Variants in COL8A1 observed in about 807,000 individuals in gnomAD.
The protein encoded by COL8A1 is collagen alpha-1(VIII) chain.
A neutral mutation model predicts 42.7 loss-of-function variants in COL8A1; 21 were observed. The observed-to-expected ratio is 0.49, with a 90% CI of 0.35 to 0.71. COL8A1 has a LOEUF of 0.71. Ranked by LOEUF, COL8A1 falls within the 30% of genes least tolerant of loss-of-function variation. The pLI, the probability that COL8A1 is intolerant of heterozygous loss-of-function variation, is 0.01. For synonymous variants in COL8A1, 367 were observed against 369.1 expected, an observed-to-expected ratio of 0.99 and a Z score of 0.06; for missense variants, 788 against 962.4, an observed-to-expected ratio of 0.82 and a Z score of 2.40.
intron 1 of COL8A1, among the ~76,000 whole-genome samples, chr3:99,714,597 A>C (rs1275658711): frequency 6.6e-6 from 1 of 152,112 alleles, no homozygotes; most frequent in Non-Finnish European, 1.5e-5. Context: ...ATGTTCATTG[A>C]CAATAGTCCC....
intron 2 of COL8A1, among the ~76,000 whole-genome samples, chr3:99,757,310 T>C (rs1211540321): frequency 1.3e-5 from 2 of 152,164 alleles, no homozygotes; most frequent in East Asian, 3.8e-4. Context: ...GCAACTCTTG[T>C]CTAATACACT....
At chr3:99,766,259 G>C (rs982024541) in intron 2 of COL8A1, among the ~76,000 whole-genome samples, 1 of 152,102 alleles carries the variant, frequency 6.6e-6, no homozygotes, top group Non-Finnish European at 1.5e-5. Context: ...ATTCCCTAAG[G>C]TTACACAGCT....
intron 1 of COL8A1, among the ~76,000 whole-genome samples, chr3:99,697,065 CA>C (rs1460799848): frequency 2.9e-5 from 4 of 137,702 alleles, no homozygotes; most frequent in African/African-American, 1.1e-4. Flanking sequence ...CGGCTCACTG[CA>C]AGCTCCGCCT....
chr3:99,757,680 G>A (rs765981939), intron 2 of COL8A1, among the ~76,000 whole-genome samples: 8 of 151,978 alleles, frequency 5.3e-5, no homozygotes, highest in Non-Finnish European at 1.2e-4. Context: ...TTTATCTGCC[G>A]TAGCTATTGA....
intron 1 of COL8A1, among the ~76,000 whole-genome samples, chr3:99,719,982 A>G (rs1183506985): frequency 6.6e-6 from 1 of 152,134 alleles, no homozygotes; most frequent in Non-Finnish European, 1.5e-5. Context: ...ATTCATTTGC[A>G]TATTGGTAAA....
At chr3:99,713,979 A>G (rs919819525) in intron 1 of COL8A1, among the ~76,000 whole-genome samples, 2 of 152,082 alleles carry the variant, frequency 1.3e-5, no homozygotes, top group South Asian at 2.1e-4. Context: ...GAGGAGAAAA[A>G]GACATTATGG....
chr3:99,742,153 TAC>T (rs1940916472), intron 1 of COL8A1, among the ~76,000 whole-genome samples: 1 of 152,240 alleles, frequency 6.6e-6, no homozygotes, highest in Non-Finnish European at 1.5e-5. Context: ...ATACTTTAAG[TAC>T]TAAGTATTGT....
At chr3:99,670,966 T>TTGTG (rs1348332296) in intron 1 of COL8A1, among the ~76,000 whole-genome samples, 1 of 150,622 alleles carries the variant, frequency 6.6e-6, no homozygotes, top group Non-Finnish European at 1.5e-5. Flanking sequence ...GTGTGTGTGT[T>TTGTG]TGTGTGTGTG....
At position 99,728,574 on chromosome 3, in the gene COL8A1, T is replaced by C. The variant is rs564155755; in HGVS notation, c.-128-16323T>C. 3.3e-5 allele frequency among the ~76,000 whole-genome samples: 5 copies of C among 152,198 alleles called. No homozygotes were observed. In the South Asian group the frequency reaches 8.3e-4, roughly 25 times the overall value. On this transcript the variant is annotated intron_variant, in intron 1 of 3. Transcript: ENST00000652472. ...ATCTTAAACAGGAATAATACAACTT[T>C]TAACCTCAGGAAAAACTAAGTCAAA... is the stretch of plus-strand genomic sequence containing the variant.
chr3:99,664,039 G>A (rs1938290283), intron 1 of COL8A1, among the ~76,000 whole-genome samples: 1 of 152,146 alleles, frequency 6.6e-6, no homozygotes, highest in African/African-American at 2.4e-5. Context: ...AATACTCAGT[G>A]TGCATAACAG....
chr3:99,697,072 C>T (rs1012210116), intron 1 of COL8A1, among the ~76,000 whole-genome samples: 5 of 147,028 alleles, frequency 3.4e-5, no homozygotes, highest in African/African-American at 1.3e-4. Context: ...CTGCAAGCTC[C>T]GCCTCCCGGG....
intron 1 of COL8A1, among the ~76,000 whole-genome samples, chr3:99,735,583 G>A (rs1171801581): frequency 6.6e-6 from 1 of 150,454 alleles, no homozygotes; most frequent in Non-Finnish European, 1.5e-5. Flanking sequence ...TTGCATCAAT[G>A]TTCATCAAGG....
chr3:99,714,437 G>T (rs920988438), intron 1 of COL8A1, among the ~76,000 whole-genome samples: 2 of 152,110 alleles, frequency 1.3e-5, no homozygotes, highest in Non-Finnish European at 2.9e-5. Flanking sequence ...AGTGACTCAT[G>T]GAGCTCTTGA....
chr3:99,746,929 G>T (rs1269909538), intron 2 of COL8A1, among the ~76,000 whole-genome samples: 1 of 152,110 alleles, frequency 6.6e-6, no homozygotes, highest in Non-Finnish European at 1.5e-5. Flanking sequence ...TAGTGAAAAT[G>T]GACTTGGTTT....
chr3:99,672,093 A>C (rs1440709267), intron 1 of COL8A1, among the ~76,000 whole-genome samples: 1 of 152,022 alleles, frequency 6.6e-6, no homozygotes, highest in Non-Finnish European at 1.5e-5. Flanking sequence ...GACACAAGCA[A>C]TCTAGAACTG....
chr3:99,667,010 C>T (rs2107308230), intron 1 of COL8A1, among the ~76,000 whole-genome samples: 1 of 152,152 alleles, frequency 6.6e-6, no homozygotes, highest in South Asian at 2.1e-4. Context: ...ATTTTGTATT[C>T]ATTATATGTA....
At chr3:99,772,105 A>G (rs1228295044) in intron 2 of COL8A1, among the ~76,000 whole-genome samples, 1 of 152,204 alleles carries the variant, frequency 6.6e-6, no homozygotes, top group African/African-American at 2.4e-5. Flanking sequence ...CACATCCATA[A>G]ATAAATAATA....
chr3:99,669,557 A>G (rs1389617493), intron 1 of COL8A1, among the ~76,000 whole-genome samples: 1 of 152,080 alleles, frequency 6.6e-6, no homozygotes, highest in Non-Finnish European at 1.5e-5. Context: ...GGGAGAAACT[A>G]AGGCTCAGAG....
Position 99,796,311 on chromosome 3 carries a change from A to G in COL8A1, c.*175A>G. ...ATAAAAACTAAGATGCATGTTTAAT[A>G]CTCCACACAGCAGCCTGTAATTGCG... On this transcript the variant is annotated 3_prime_UTR_variant, in exon 4 of 4. Coordinates refer to ENST00000652472, the MANE Select transcript of COL8A1 (RefSeq NM_020351.4). 1 of 519,976 alleles carries G rather than the reference A, an allele frequency of 1.9e-6. No individual in the cohort carries two copies. Among genetic ancestry groups the G allele is most frequent in the South Asian group, 3.9e-5 (1 of 25,870 alleles). The allele number at this position is 519,976 out of a possible 1,614,324, so 32.2% of individuals were successfully genotyped here. A position where few individuals can be genotyped will look rare whatever the true frequency, so the allele number is the denominator to read the frequency against.
Sources: gnomAD v4.1 joint callset for allele counts (sites outside exome capture counted in the v4.1 genomes callset) on GRCh38, gnomAD v4.1.1 for gene constraint, MANE v1.5 for transcripts, NCBI Gene and HGNC (gene_info 2026-07-23, HGNC 2026-07-21) for gene names.